Variants in NPIPB15 observed in about 807,000 individuals in gnomAD.
NPIPB15 encodes the protein nuclear pore complex-interacting protein family member B15.
NPIPB15 carries 5 observed loss-of-function variants against 35.9 expected under a neutral mutation model. The ratio of observed to expected loss-of-function variants is 0.14; its 90% CI spans 0.07 to 0.29. NPIPB15 has a LOEUF of 0.29. Among genes scored for constraint, NPIPB15 ranks in the 10% least tolerant of loss-of-function variants. The pLI, the probability that NPIPB15 is intolerant of heterozygous loss-of-function variation, is 1.00. For synonymous variants in NPIPB15, 43 were observed against 182.0 expected (o/e 0.24, Z 6.15); for missense variants, 100 against 506.1 (o/e 0.20, Z 7.70).
chr16:74,377,416 T>C (rs1398688257), intron 1 of NPIPB15, among the ~76,000 whole-genome samples, 70 bp downstream of exon 1: 1 of 151,738 alleles, frequency 6.6e-6, no homozygotes, highest in African/African-American at 2.4e-5. Context: ...GGAGGGGTCA[T>C]TGGAATGATG....
chr16:74,379,438 C>T (rs1368720306), intron 2 of NPIPB15, among the ~76,000 whole-genome samples: 3 of 152,104 alleles, frequency 2.0e-5, no homozygotes, highest in Non-Finnish European at 2.9e-5. Flanking sequence ...CCTGAGGAAT[C>T]GATGTAGAAA....
At chr16:74,377,709 TCTCCTC>T (rs1236422588) in intron 1 of NPIPB15, among the ~76,000 whole-genome samples, 3 of 149,062 alleles carry the variant, frequency 2.0e-5, no homozygotes, top group South Asian at 4.3e-4. Context: ...ACCCCTTTCT[TCTCCTC>T]CTCCTCCTCC....
chr16:74,378,081 G>C (rs1274984624), intron 2 of NPIPB15, 42 bp downstream of exon 2: 1 of 1,604,072 alleles, frequency 6.2e-7, no homozygotes, highest in African/African-American at 1.3e-5. Context: ...CCTTTTTACT[G>C]GGCTGTGTCA....
At chr16:74,389,231 G>A (rs2012424961) in intron 5 of NPIPB15, among the ~76,000 whole-genome samples, 1 of 147,194 alleles carries the variant, frequency 6.8e-6, no homozygotes, top group Non-Finnish European at 1.5e-5. Context: ...ACAGCTTTAT[G>A]ATAAAAGATG....
At chr16:74,388,960 A>G (rs1366004713) in intron 5 of NPIPB15, 1 of 930,828 alleles carries the variant, frequency 1.1e-6, no homozygotes, top group Non-Finnish European at 1.3e-6. Context: ...AGAGTTCACA[A>G]AACAGAAAAC....
intron 5 of NPIPB15, chr16:74,388,795 A>C (rs2012405971): frequency 1.0e-6 from 1 of 963,834 alleles, no homozygotes; most frequent in Non-Finnish European, 1.2e-6. Flanking sequence ...TTGGATATGA[A>C]AGAAATACAC....
At chr16:74,377,501 C>T (rs2011720279) in intron 1 of NPIPB15, among the ~76,000 whole-genome samples, 155 bp downstream of exon 1, 1 of 152,038 alleles carries the variant, frequency 6.6e-6, no homozygotes, top group Non-Finnish European at 1.5e-5. Context: ...GAGTATAAAG[C>T]CCCAGGGTTG....
intron 2 of NPIPB15, among the ~76,000 whole-genome samples, chr16:74,380,836 C>G (rs1316992177): frequency 6.8e-6 from 1 of 147,584 alleles, no homozygotes; most frequent in Admixed American, 7.1e-5. Context: ...AAACAAAACA[C>G]CAAACAAAAA....
chr16:74,387,309 G>C (rs1292240073), intron 5 of NPIPB15, among the ~76,000 whole-genome samples: 1 of 148,124 alleles, frequency 6.8e-6, no homozygotes, highest in African/African-American at 2.5e-5. Flanking sequence ...GTGCTTCTTT[G>C]CATCTCAGTA....
At chr16:74,379,000 A>G (rs1187738909) in intron 2 of NPIPB15, among the ~76,000 whole-genome samples, 2 of 152,076 alleles carry the variant, frequency 1.3e-5, no homozygotes, top group Non-Finnish European at 2.9e-5. Context: ...GGGTTTCTCC[A>G]TGTTGGTCAG....
At chr16:74,378,614 A>G (rs1223394392) in intron 2 of NPIPB15, among the ~76,000 whole-genome samples, 12 of 149,316 alleles carry the variant, frequency 8.0e-5, no homozygotes, top group African/African-American at 2.7e-4. Context: ...GGGTTTTACC[A>G]TGTTCGCCAG....
intron 3 of NPIPB15, among the ~76,000 whole-genome samples, chr16:74,382,714 C>A (rs1392838665): frequency 6.6e-6 from 1 of 152,244 alleles, no homozygotes; most frequent in Non-Finnish European, 1.5e-5. Context: ...TACCACAATG[C>A]TTTTTTATAT....
intron 2 of NPIPB15, among the ~76,000 whole-genome samples, chr16:74,379,052 G>A (rs1363590086): frequency 6.6e-6 from 1 of 152,214 alleles, no homozygotes; most frequent in Non-Finnish European, 1.5e-5. Context: ...CGCCCGCCTT[G>A]GCCTCCCAAA....
At position 74,391,863 on chromosome 16, in the gene NPIPB15, C is replaced by A; in HGVS notation, c.1115C>A (p.Pro372His). ...RVDEVEQSPK[P>H]KRRRADEVEQ... ...GATGAGGTGGAACAATCACCGAAACCCAAGAGGCGGAGGGCGGATGAGGTG... is the reference window on the plus strand; with the variant it reads ...GATGAGGTGGAACAATCACCGAAACACAAGAGGCGGAGGGCGGATGAGGTG... Residue 372 changes from proline to histidine, a missense_variant, in exon 8 of 8, where the codon CCC becomes CAC. Coordinates refer to ENST00000692376, the MANE Select transcript of NPIPB15 (RefSeq NM_001306094.2). The A allele has an allele frequency of 1.2e-6, 2 of 1,609,496 alleles. No individual in the cohort carries two copies. The highest frequency in any genetic ancestry group is 1.7e-6 in the Non-Finnish European group (2 of 1,178,006).
In NPIPB15 at chr16:74,376,605, C is replaced by A. The variant is rs1407085160; in HGVS notation, c.-764C>A. ...ATGAAGGTCAACTTGGTTTTCTCCCCCTCATTTGGGTTCAGAATTTAAAGT... is the reference window on the plus strand; with the variant it reads ...ATGAAGGTCAACTTGGTTTTCTCCCACTCATTTGGGTTCAGAATTTAAAGT... On this transcript the variant is annotated 5_prime_UTR_variant, in exon 1 of 8. Transcript: ENST00000692376. 1.6e-4 allele frequency among the ~76,000 whole-genome samples: 24 copies of A among 152,034 alleles called. No individual in the cohort carries two copies. In the South Asian group the frequency reaches 4.6e-3, roughly 29 times the overall value.
intron 2 of NPIPB15, among the ~76,000 whole-genome samples, chr16:74,378,795 A>AT (rs1178429698): frequency 1.3e-5 from 2 of 151,196 alleles, no homozygotes; most frequent in African/African-American, 4.9e-5. Context: ...GATCTACATT[A>AT]TTTTATTTAT....
intron 2 of NPIPB15, among the ~76,000 whole-genome samples, chr16:74,380,381 T>G (rs762686863): frequency 0.065 from 9,042 of 140,156 alleles, 220 homozygotes; most frequent in East Asian, 0.086. Context: ...CAATCTAGCC[T>G]GGGTGACAGA....
At chr16:74,379,219 C>T (rs1263760801) in intron 2 of NPIPB15, among the ~76,000 whole-genome samples, 1 of 152,210 alleles carries the variant, frequency 6.6e-6, no homozygotes. Flanking sequence ...GCATGCCATG[C>T]CATAGGTACT....
intron 3 of NPIPB15, among the ~76,000 whole-genome samples, chr16:74,382,697 G>T: frequency 6.6e-6 from 1 of 152,270 alleles, no homozygotes; most frequent in East Asian, 1.9e-4. Flanking sequence ...CAAGATAAAA[G>T]TACTAATACC....
Sources: gnomAD v4.1 joint callset for allele counts (sites outside exome capture counted in the v4.1 genomes callset) on GRCh38, gnomAD v4.1.1 for gene constraint, MANE v1.5 for transcripts, NCBI Gene and HGNC (gene_info 2026-07-23, HGNC 2026-07-21) for gene names.